The following CRTAP variants were observed in gnomAD, a reference collection of about 807,000 sequenced individuals.
CRTAP encodes cartilage-associated protein.
A neutral mutation model predicts 42.7 loss-of-function variants in CRTAP; 33 were observed. The observed-to-expected ratio is 0.77, with a 90% CI of 0.59 to 1.03. The LOEUF is 1.03. CRTAP is among the 50% of genes least tolerant of loss of function. CRTAP has a pLI of 0.00. For missense variants in CRTAP, 613 were observed against 533.9 expected, an observed-to-expected ratio of 1.15 and a Z score of -1.46; for synonymous variants, 243 against 217.7, an observed-to-expected ratio of 1.12 and a Z score of -1.02.
intron 1 of CRTAP, among the ~76,000 whole-genome samples, chr3:33,115,507 C>T (rs143386846): frequency 6.6e-6 from 1 of 152,074 alleles, no homozygotes; most frequent in Non-Finnish European, 1.5e-5. Flanking sequence ...CGAGGACCCA[C>T]AAGTTTTAAG....
At chr3:33,122,142 G>A (rs927695688) in intron 2 of CRTAP, among the ~76,000 whole-genome samples, 2 of 152,096 alleles carry the variant, frequency 1.3e-5, no homozygotes, top group Non-Finnish European at 1.5e-5. Context: ...GAACGAAGCC[G>A]AGTGCGTGTG....
At position 33,147,523 on chromosome 3, in the gene CRTAP, A is replaced by T. The variant is rs2030753907; in HGVS notation, c.*5075A>T. ...TAAGATATTAGTGCCTCATTTTACA[A>T]GAAGAGAATAGGAAGGAATTAAGCA... On this transcript the variant is annotated 3_prime_UTR_variant, in exon 7 of 7. Coordinates refer to ENST00000320954, the MANE Select transcript of CRTAP (RefSeq NM_006371.5). 6.6e-6 allele frequency: 1 copy of T among 152,252 alleles called. No individual in the cohort carries two copies. The highest frequency in any genetic ancestry group is 2.1e-4 in the South Asian group (1 of 4,826). The allele number at this position is 152,252 out of a possible 1,614,324, so 9.4% of individuals were successfully genotyped here.
At chr3:33,141,023 T>C (rs1055844468) in intron 6 of CRTAP, among the ~76,000 whole-genome samples, 2 of 152,136 alleles carry the variant, frequency 1.3e-5, no homozygotes, top group Non-Finnish European at 2.9e-5. Flanking sequence ...TTTTTGTTTT[T>C]GTTTTTGGCC....
At chr3:33,132,813 C>T in intron 5 of CRTAP, 113 bp downstream of exon 5, 8 of 1,288,938 alleles carry the variant, frequency 6.2e-6, no homozygotes, top group Middle Eastern at 2.6e-4. Flanking sequence ...GGCGCGGTGA[C>T]TCATGCCTGT....
At position 33,143,588 on chromosome 3, in the gene CRTAP, C is replaced by T. The variant is rs2030641178; in HGVS notation, c.*1140C>T. The T allele has an allele frequency of 6.6e-6, 1 of 152,048 alleles. No individual in the cohort carries two copies. Among genetic ancestry groups the T allele is most frequent in the Admixed American group, 6.6e-5 (1 of 15,258 alleles). The allele number at this position is 152,048 out of a possible 1,614,324, so 9.4% of individuals were successfully genotyped here. A position where few individuals can be genotyped will look rare whatever the true frequency, so the allele number is the denominator to read the frequency against. On this transcript the variant is annotated 3_prime_UTR_variant, in exon 7 of 7. Coordinates refer to ENST00000320954, the MANE Select transcript of CRTAP (RefSeq NM_006371.5). ...GGGAAAGTTCCCTGTGCTCATGGAG[C>T]TTACATTCTACAGGGAGAAAGAGAT...
At chr3:33,130,495 C>A (rs867883049) in intron 4 of CRTAP, among the ~76,000 whole-genome samples, 11 of 127,058 alleles carry the variant, frequency 8.7e-5, no homozygotes, top group Non-Finnish European at 1.6e-4. Context: ...AGTTTATTTT[C>A]TTTTCTTTTT....
rs1421036250 is a variant in CRTAP, at chr3:33,127,934, G to T, written c.794-2005G>T. Among the ~76,000 whole-genome samples the T allele has an allele frequency of 2.0e-5, 3 of 151,880 alleles. No individual in the cohort carries two copies. In the East Asian group the frequency reaches 5.8e-4, roughly 29 times the overall value. On this transcript the variant is annotated intron_variant, in intron 3 of 6. Transcript: ENST00000320954. ...GCTAATGTTTTGTATTTTTAGTAGAGACAGCGTTTTGCTGTGTTGGCCAGG... is the reference window on the plus strand; with the variant it reads ...GCTAATGTTTTGTATTTTTAGTAGATACAGCGTTTTGCTGTGTTGGCCAGG...
At chr3:33,124,310 GAGCT>G in intron 2 of CRTAP, 94 bp from the exon 3 acceptor site, 1 of 1,412,178 alleles carries the variant, frequency 7.1e-7, no homozygotes, top group Non-Finnish European at 1.0e-6. Context: ...GAGCTAATGA[GAGCT>G]AGCTTGGTGG....
Position 33,143,366 on chromosome 3 carries a change from G to C in CRTAP, c.*918G>C, listed in dbSNP as rs1026364311. ...TGTAGAGTGCAGAAATGTGGCTTTTGCCCCACTTTGCATCTCCAAAATTAC... is the reference window on the plus strand; with the variant it reads ...TGTAGAGTGCAGAAATGTGGCTTTTCCCCCACTTTGCATCTCCAAAATTAC... On this transcript the variant is annotated 3_prime_UTR_variant, in exon 7 of 7. Coordinates refer to ENST00000320954, the MANE Select transcript of CRTAP (RefSeq NM_006371.5). 2.0e-5 allele frequency: 3 copies of C among 152,156 alleles called. No individual in the cohort carries two copies. The highest frequency in any genetic ancestry group is 7.2e-5 in the African/African-American group (3 of 41,432). 9.4% of individuals were successfully genotyped at this position (152,156 alleles called of 1,614,324 possible).
rs369602408 is a variant in CRTAP, at chr3:33,133,610, A to G, written c.1069-572A>G. ...ATATTTACTCATATATATAGTAAAT[A>G]TTTGTGTATTTTTATAAAAACAAGG... On this transcript the variant is annotated intron_variant, in intron 5 of 6. Transcript: ENST00000320954. 1.3e-5 allele frequency among the ~76,000 whole-genome samples: 2 copies of G among 152,238 alleles called. 1 individual carries two copies.
chr3:33,120,444 T>C lies in CRTAP; in HGVS notation c.572T>C (p.Leu191Pro), dbSNP rs1331163103. 6.2e-7 allele frequency: 1 copy of C among 1,612,296 alleles called. No individual in the cohort carries two copies. Among genetic ancestry groups the C allele is most frequent in the South Asian group, 1.1e-5 (1 of 91,048 alleles). Residue 191 changes from leucine (L) to proline (P), a missense_variant, in exon 2 of 7, where the codon CTG becomes CCG. Coordinates refer to ENST00000320954, the MANE Select transcript of CRTAP (RefSeq NM_006371.5). Reference protein sequence around the residue: ...MKRNMAYYKSLPGAEDYIKDL... With the variant: ...MKRNMAYYKSPPGAEDYIKDL... ...AGGAACATGGCATATTATAAGAGCC[T>C]GCCTGGTGCCGAGGACTACATTAAA...
rs762493402 is a variant in CRTAP, at chr3:33,114,260, C to A, written c.183C>A (p.Ala61=). The change falls in exon 1 of 7, where the codon GCC becomes GCA. Residue 61 remains alanine (A), a synonymous_variant. Coordinates refer to ENST00000320954, the MANE Select transcript of CRTAP (RefSeq NM_006371.5). ...ACAAGTACAGCGGCGAGCACTGGGCCGAGAGCGTGGGCTACCTGGAGATCA... is the reference window on the plus strand; with the variant it reads ...ACAAGTACAGCGGCGAGCACTGGGCAGAGAGCGTGGGCTACCTGGAGATCA... ...ALDKYSGEHW[A]ESVGYLEISL... is the part of the protein sequence containing the mutation. 3.2e-6 allele frequency: 5 copies of A among 1,585,034 alleles called. No homozygotes were observed. In the South Asian group the frequency reaches 5.7e-5, roughly 18 times the overall value.
chr3:33,134,310 A>G (rs965533379), intron 6 of CRTAP, 45 bp downstream of exon 6: 3 of 1,204,780 alleles, frequency 2.5e-6, no homozygotes, highest in Non-Finnish European at 3.7e-6. Flanking sequence ...ACGAGAAAAT[A>G]TTACTCACAT....
Position 33,114,428 on chromosome 3 carries a change from C to T in CRTAP, c.351C>T (p.His117=). Residue 117 remains histidine (H), a synonymous_variant, in exon 1 of 7, where the codon CAC becomes CAT. Transcript: ENST00000320954. ...RLFGGLLRRA[H]CLKRCKQGLP... ...TCGGGGGCCTGCTGCGCCGCGCGCA[C>T]TGCCTCAAGCGCTGCAAGCAGGGCC... 6.4e-7 allele frequency: 1 copy of T among 1,558,536 alleles called. No homozygotes were observed. The highest frequency in any genetic ancestry group is 1.2e-5 in the South Asian group (1 of 85,210).
rs1037188584 is a variant in CRTAP at position 33,147,403 on chromosome 3, C to T, written c.*4955C>T. On this transcript the variant is annotated 3_prime_UTR_variant, in exon 7 of 7. Transcript: ENST00000320954. ...GCCGGCTCGTGAACAGCCACATATC[C>T]TTGCACCTGACACTGTCCCCACACA... 1 of 152,726 alleles carries T rather than the reference C, an allele frequency of 6.5e-6. No homozygotes were observed. The highest frequency in any genetic ancestry group is 1.5e-5 in the Non-Finnish European group (1 of 68,084). The allele number at this position is 152,726 out of a possible 1,614,324, so 9.5% of individuals were successfully genotyped here. A position where few individuals can be genotyped will look rare whatever the true frequency, so the allele number is the denominator to read the frequency against.
chr3:33,117,951 CCTTT>C (rs199592277), intron 1 of CRTAP, among the ~76,000 whole-genome samples: 133 of 143,846 alleles, frequency 9.2e-4, no homozygotes, highest in African/African-American at 2.6e-3. Flanking sequence ...TCTTTCTATT[CCTTT>C]CTTTCTTTCT....
chr3:33,142,429 A>G lies in CRTAP; in HGVS notation c.1187A>G (p.Glu396Gly). ...GTGGAATATGTGGATGACCTCTTGG[A>G]ACTGGAGGAGACCAGCTAGCCCACA... ...EVVEYVDDLL[E>G]LEETS The change falls in exon 7 of 7, where the codon GAA becomes GGA. Residue 396 changes from glutamate to glycine, a missense_variant. By Grantham distance (98) the Glu-to-Gly change is moderately conservative. Coordinates refer to ENST00000320954, the MANE Select transcript of CRTAP (RefSeq NM_006371.5). The G allele has an allele frequency of 6.2e-7, 1 of 1,614,146 alleles. No homozygotes were observed. Among genetic ancestry groups the G allele is most frequent in the Non-Finnish European group, 8.5e-7 (1 of 1,179,990 alleles).
chr3:33,125,150 C>G (rs1365960928), intron 3 of CRTAP, among the ~76,000 whole-genome samples: 1 of 152,224 alleles, frequency 6.6e-6, no homozygotes, highest in Non-Finnish European at 1.5e-5. Flanking sequence ...TACTGGGCAG[C>G]ATCACTCCAG....
chr3:33,120,487 A>G lies in CRTAP; in HGVS notation c.615A>G (p.Ser205=). 6.2e-7 allele frequency: 1 copy of G among 1,609,454 alleles called. No homozygotes were observed. Among genetic ancestry groups the G allele is most frequent in the Non-Finnish European group, 8.5e-7 (1 of 1,177,168 alleles). Residue 205 remains serine (S), a synonymous_variant, in exon 2 of 7, where the codon TCA becomes TCG. Transcript: ENST00000320954. ...ACATTAAAGACCTGGAAACCAAGTC[A>G]TATGAAGTATGTTTGGATTTTTATG... The part of the protein sequence containing the change: ...EDYIKDLETK[S]YESLFIRAVR...
Sources: allele counts gnomAD v4.1 joint callset (sites outside exome capture counted in the v4.1 genomes callset), GRCh38; gene constraint gnomAD v4.1.1; transcripts MANE v1.5; gene names NCBI Gene and HGNC (gene_info 2026-07-23, HGNC 2026-07-21).